CHRNE: variants seen among roughly 807,000 people sequenced by gnomAD.
CHRNE encodes the protein cholinergic receptor nicotinic epsilon subunit.
A neutral mutation model predicts 56.5 loss-of-function variants in CHRNE; 58 were observed. The ratio of observed to expected loss-of-function variants is 1.03; its 90% CI spans 0.83 to 1.28. CHRNE has a LOEUF of 1.28. Among genes scored for constraint, CHRNE ranks in the 50% most tolerant of loss-of-function variants. The pLI is 0.00. For synonymous variants in CHRNE, 385 were observed against 297.9 expected (o/e 1.29, Z -3.01); for missense variants, 793 against 688.9 (o/e 1.15, Z -1.69).
At chr17:4,899,874 A>C in intron 8 of CHRNE, 1 of 1,548,810 alleles carries the variant, frequency 6.5e-7, no homozygotes, top group Non-Finnish European at 8.7e-7. Flanking sequence ...CCTTCTGGGT[A>C]GGTCTCCTGT....
chr17:4,899,886 C>T (rs1023519124), intron 8 of CHRNE: 6 of 1,547,874 alleles, frequency 3.9e-6, no homozygotes, highest in African/African-American at 2.7e-5. Context: ...GTCTCCTGTT[C>T]GCCCCTGTGA....
Position 4,900,797 on chromosome 17 carries a change from C to G in CHRNE, c.913G>C (p.Gly305Arg). Residue 305 changes from glycine (G) to arginine (R), a missense_variant, in exon 8 of 12, where the codon GGC becomes CGC. By Grantham distance (125) the Gly-to-Arg change is moderately radical (BLOSUM62 -2). Transcript: ENST00000649488. ...CCGCGGGGGCTCCGGCTTCACCTGC[C>G]CAGGAGCGGCACGCTCAGAGAAGTC... Reference protein sequence around the residue: ...PETSLSVPLLGRFLIFVMVVA... With the variant: ...PETSLSVPLLRRFLIFVMVVA... 1 of 1,613,590 alleles carries G rather than the reference C, an allele frequency of 6.2e-7. No homozygotes were observed. The highest frequency in any genetic ancestry group is 8.5e-7 in the Non-Finnish European group (1 of 1,179,730).
At chr17:4,906,780 T>TA (rs543014881), upstream of CHRNE, among the ~76,000 whole-genome samples, 20 of 147,240 alleles carry the variant, frequency 1.4e-4, no homozygotes, top group South Asian at 2.2e-4. Context: ...GAAAACTGTT[T>TA]AAAAAAAAAA....
chr17:4,901,606 C>T lies in CHRNE; in HGVS notation c.520G>A (p.Glu174Lys), dbSNP rs1597620368. 6.2e-7 allele frequency: 1 copy of T among 1,614,016 alleles called. No individual in the cohort carries two copies. The highest frequency in any genetic ancestry group is 8.5e-7 in the Non-Finnish European group (1 of 1,180,028). The change falls in exon 6 of 12, where the codon GAA becomes AAA. Residue 174 changes from glutamate to lysine, a missense_variant. Physicochemically the swap from Glu to Lys is moderately conservative, Grantham distance 56. Coordinates refer to ENST00000649488, the MANE Select transcript of CHRNE (RefSeq NM_000080.4). ...ACGGCAAAAGTGAACTCCACCTCTT[C>T]GGCATTGTACGTCTGAGAGCTGCGG... Reference protein sequence around the residue: ...LIFRSQTYNAEEVEFTFAVDN... With the variant: ...LIFRSQTYNAKEVEFTFAVDN...
Position 4,898,504 on chromosome 17 carries a change from T to C in CHRNE, c.*232A>G. 1.7e-6 allele frequency: 1 copy of C among 599,206 alleles called. No homozygotes were observed. Among genetic ancestry groups the C allele is most frequent in the Non-Finnish European group, 3.0e-6 (1 of 338,474 alleles). 37.1% of individuals were successfully genotyped at this position (599,206 alleles called of 1,614,324 possible). On this transcript the variant is annotated 3_prime_UTR_variant, in exon 12 of 12. Coordinates refer to ENST00000649488, the MANE Select transcript of CHRNE (RefSeq NM_000080.4). Reference sequence around the variant, plus strand: ...AGGCTGAATGAAGGGCAGTCCTTGCTTTCTGGAAGACTGGCACCTGAGAGC... The same window carrying C: ...AGGCTGAATGAAGGGCAGTCCTTGCCTTCTGGAAGACTGGCACCTGAGAGC...
Position 4,898,785 on chromosome 17 carries a change from T to C in CHRNE, c.1433A>G (p.Tyr478Cys). 2 of 1,609,354 alleles carry C rather than the reference T, an allele frequency of 1.2e-6. No homozygotes were observed. The highest frequency in any genetic ancestry group is 1.1e-5 in the South Asian group (1 of 89,922). The change falls in exon 12 of 12, where the codon TAC (tyrosine) becomes TGC (cysteine). Residue 478 changes from tyrosine (Y) to cysteine (C), a missense_variant. Transcript: ENST00000649488. ...VGSSLIFLGA[Y>C]FNRVPDLPYA... ...GGGGAGATCAGGCACTCGGTTGAAGTAGGCCCCGAGGAAGATGAGGCTGGA... is the reference window on the plus strand; with the variant it reads ...GGGGAGATCAGGCACTCGGTTGAAGCAGGCCCCGAGGAAGATGAGGCTGGA...
In CHRNE at chr17:4,900,199, C is replaced by T. The variant is rs753739134; in HGVS notation, c.917+594G>A. 7.1e-6 allele frequency: 11 copies of T among 1,543,340 alleles called. No individual in the cohort carries two copies. In the Admixed American group the frequency reaches 1.6e-4, roughly 22 times the overall value. ...GGCGATCGGGTAGCGGGAACAAGGA[C>T]CTCTGCCTCCCCGCTAACCCCTGTG... On this transcript the variant is annotated intron_variant, in intron 8 of 11. Transcript: ENST00000649488.
At chr17:4,900,219 C>T (rs547578569) in intron 8 of CHRNE, 1 of 1,545,972 alleles carries the variant, frequency 6.5e-7, no homozygotes, top group African/African-American at 1.4e-5. Context: ...CCCGCTAACC[C>T]CTGTGCCCCC....
At position 4,900,991 on chromosome 17, in the gene CHRNE, C is replaced by T; in HGVS notation, c.801G>A (p.Gln267=). The part of the protein sequence containing the change: ...LVLLAYFLPA[Q]AGGQKCTVSI... Reference sequence around the variant, plus strand: ...GGTAGGTTCGGGGCCACTGCTTACCCTGCGCCGGCAGGAAGTAGGCGAGCA... The same window carrying T: ...GGTAGGTTCGGGGCCACTGCTTACCTTGCGCCGGCAGGAAGTAGGCGAGCA... Residue 267 remains glutamine (Q), a splice_region_variant and synonymous_variant, in exon 7 of 12, where the codon CAG becomes CAA. Coordinates refer to ENST00000649488, the MANE Select transcript of CHRNE (RefSeq NM_000080.4). 6.2e-7 allele frequency: 1 copy of T among 1,613,950 alleles called. No individual in the cohort carries two copies.
upstream of CHRNE, among the ~76,000 whole-genome samples, chr17:4,905,284 C>T (rs759914735): frequency 2.6e-5 from 4 of 152,198 alleles, no homozygotes; most frequent in Non-Finnish European, 5.9e-5. Flanking sequence ...CACAGTGGCT[C>T]ATGCCTGTAA....
rs1453842961 is a variant in CHRNE at position 4,899,582 on chromosome 17, C to G, written c.918G>C (p.Arg306Ser). ...CGACCACCATGACGAAAATAAGGAACCTGAGGAGCCCGGAAGGCATGACAT... is the reference window on the plus strand; with the variant it reads ...CGACCACCATGACGAAAATAAGGAAGCTGAGGAGCCCGGAAGGCATGACAT... ...ETSLSVPLLG[R>S]FLIFVMVVAT... Residue 306 changes from arginine (R) to serine (S), a missense_variant and splice_region_variant, in exon 9 of 12, where the codon AGG becomes AGC. Transcript: ENST00000649488. The G allele has an allele frequency of 3.2e-6, 5 of 1,573,318 alleles. No homozygotes were observed. The highest frequency in any genetic ancestry group is 4.3e-6 in the Non-Finnish European group (5 of 1,158,646).
chr17:4,899,522 G>C lies in CHRNE; in HGVS notation c.978C>G (p.Leu326=). ...TGGTGGGCGTCCGCTGGGACACGTTGAGCACGATGACGCAATTCATGACAA... is the reference window on the plus strand; with the variant it reads ...TGGTGGGCGTCCGCTGGGACACGTTCAGCACGATGACGCAATTCATGACAA... ...TLIVMNCVIV[L]NVSQRTPTTH... is the part of the protein sequence containing the mutation. Residue 326 remains leucine, a synonymous_variant, in exon 9 of 12, where the codon CTC becomes CTG. Coordinates refer to ENST00000649488, the MANE Select transcript of CHRNE (RefSeq NM_000080.4). 2 of 1,604,824 alleles carry C rather than the reference G, an allele frequency of 1.2e-6. No individual in the cohort carries two copies. Among genetic ancestry groups the C allele is most frequent in the Non-Finnish European group, 1.7e-6 (2 of 1,176,848 alleles).
chr17:4,900,655 C>T, intron 8 of CHRNE, 138 bp downstream of exon 8: 1 of 1,434,016 alleles, frequency 7.0e-7, no homozygotes. Context: ...GGACTCCATC[C>T]CCGTACCAGC....
chr17:4,899,248 C>CG lies in CHRNE; in HGVS notation c.1168dup (p.Arg390ProfsTer7). 2 of 1,606,630 alleles carry CG rather than the reference C, an allele frequency of 1.2e-6. No homozygotes were observed. The highest frequency in any genetic ancestry group is 1.7e-6 in the Non-Finnish European group (2 of 1,179,206). ...CTGCCCCTCAAACACGAGCTCGCTC[C>CG]GTGGCTTTTTCAGTATCAGCTCCTC... is the stretch of plus-strand genomic sequence containing the variant. On this transcript the variant is annotated frameshift_variant, in exon 10 of 12. Transcript: ENST00000649488. LOFTEE classifies it high-confidence loss of function.
rs1970023544 is a variant in CHRNE, at chr17:4,902,433, C to T, written c.234+17G>A. The T allele has an allele frequency of 6.2e-7, 1 of 1,614,190 alleles. No individual in the cohort carries two copies. Among genetic ancestry groups the T allele is most frequent in the African/African-American group, 1.3e-5 (1 of 75,044 alleles). On this transcript the variant is annotated intron_variant, in intron 3 of 11. Transcript: ENST00000649488. This position sits in a 1 kb window ranked among gnomAD's most constrained non-coding sequence, Gnocchi z 4.0. Reference sequence around the variant, plus strand: ...GCCCTGGACAAGACCTCACACCATTCCCCAGATTTGACTCACGATTCCAAT... The same window carrying T: ...GCCCTGGACAAGACCTCACACCATTTCCCAGATTTGACTCACGATTCCAAT...
At chr17:4,903,429 G>C (rs2151099420), upstream of CHRNE, among the ~76,000 whole-genome samples, 1 of 152,266 alleles carries the variant, frequency 6.6e-6, no homozygotes, top group Admixed American at 6.5e-5. Context: ...GCCCTGTGTA[G>C]GTGACCCTGA....
At position 4,902,468 on chromosome 17, in the gene CHRNE, A is replaced by G. The variant is rs763887744; in HGVS notation, c.216T>C (p.Thr72=). The G allele has an allele frequency of 6.2e-7, 1 of 1,614,152 alleles. No individual in the cohort carries two copies. The highest frequency in any genetic ancestry group is 8.5e-7 in the Non-Finnish European group (1 of 1,180,024). ...GACTCACGATTCCAATCCAGACGCTAGTGGTGAGAGTCTCCTCTTTTTCAT... is the reference window on the plus strand; with the variant it reads ...GACTCACGATTCCAATCCAGACGCTGGTGGTGAGAGTCTCCTCTTTTTCAT... The part of the protein sequence containing the change: ...SLNEKEETLT[T]SVWIGIDWQD... Residue 72 remains threonine (T), a synonymous_variant, in exon 3 of 12, where the codon ACT becomes ACC. Coordinates refer to ENST00000649488, the MANE Select transcript of CHRNE (RefSeq NM_000080.4). The surrounding 1 kb of genome is among the most constrained non-coding windows in gnomAD (Gnocchi z 4.0).
chr17:4,900,655 C>A, intron 8 of CHRNE, 138 bp downstream of exon 8: 1 of 1,434,014 alleles, frequency 7.0e-7, no homozygotes, highest in African/African-American at 1.4e-5. Context: ...GGACTCCATC[C>A]CCGTACCAGC....
rs756786529 is a variant in CHRNE at position 4,899,275 on chromosome 17, G to A, written c.1142C>T (p.Ala381Val). ...RASSVGLLLRAEELILKKPRS... is the reference protein window; with the variant it reads ...RASSVGLLLRVEELILKKPRS... ...TGGCTTTTTCAGTATCAGCTCCTCC[G>A]CGCGGAGCAATAAGCCCACCGACGA... Residue 381 changes from alanine to valine, a missense_variant, in exon 10 of 12, where the codon GCG becomes GTG. Ala to Val is a moderately conservative substitution (Grantham distance 64). Coordinates refer to ENST00000649488, the MANE Select transcript of CHRNE (RefSeq NM_000080.4). 29 of 1,601,648 alleles carry A rather than the reference G, an allele frequency of 1.8e-5. No individual in the cohort carries two copies. Among genetic ancestry groups the A allele is most frequent in the African/African-American group, 4.0e-5 (3 of 74,652 alleles).
Sources: allele counts gnomAD v4.1 joint callset (sites outside exome capture counted in the v4.1 genomes callset), GRCh38; gene constraint gnomAD v4.1.1; non-coding constraint Gnocchi (gnomAD v3.1); transcripts MANE v1.5; gene names NCBI Gene and HGNC (gene_info 2026-07-23, HGNC 2026-07-21).